Variants in CSMD2 observed in about 807,000 individuals in gnomAD.
CSMD2 encodes the protein CUB and sushi domain-containing protein 2.
CSMD2 carries 130 observed loss-of-function variants against 398.5 expected under a neutral mutation model. The observed-to-expected ratio is 0.33, with a 90% CI of 0.28 to 0.38. The LOEUF (loss-of-function observed/expected upper bound fraction) is 0.38, where lower values mean the gene tolerates loss of function less well. Among genes scored for constraint, CSMD2 ranks in the 10% least tolerant of loss-of-function variants. The pLI, the probability that CSMD2 is intolerant of heterozygous loss-of-function variation, is 1.00. For missense variants in CSMD2, 3,829 were observed against 4,764.9 expected (o/e 0.80, Z 5.78); for synonymous variants, 1,828 against 1,908.5 (o/e 0.96, Z 1.10).
At chr1:33,755,344 C>T (rs565423291) in intron 13 of CSMD2, among the ~76,000 whole-genome samples, 3 of 152,278 alleles carry the variant, frequency 2.0e-5, no homozygotes, top group South Asian at 4.2e-4. Context: ...TGAAAGTTAT[C>T]ATTTAACTAT....
At chr1:33,804,064 C>T (rs1655936827) in intron 10 of CSMD2, among the ~76,000 whole-genome samples, 1 of 152,216 alleles carries the variant, frequency 6.6e-6, no homozygotes, top group African/African-American at 2.4e-5. Flanking sequence ...TTCCATGATT[C>T]AGTTTCTTTA....
intron 7 of CSMD2, 23 bp downstream of exon 7, chr1:33,825,674 C>T (rs111622586): frequency 3.9e-5 from 61 of 1,564,204 alleles, no homozygotes; most frequent in African/African-American, 6.8e-5. Context: ...GCCCGGCAGG[C>T]GGGCTGGCGG....
intron 2 of CSMD2, among the ~76,000 whole-genome samples, chr1:34,079,819 AG>A (rs904218213): frequency 6.6e-6 from 1 of 152,178 alleles, no homozygotes; most frequent in Admixed American, 6.5e-5. Flanking sequence ...AACTTGCACT[AG>A]AAGACAGATA....
At chr1:33,993,574 C>A (rs753482032) in intron 3 of CSMD2, among the ~76,000 whole-genome samples, 1 of 152,124 alleles carries the variant, frequency 6.6e-6, no homozygotes, top group Non-Finnish European at 1.5e-5. Context: ...CTCTCTCTCT[C>A]GTCACTTCTT....
intron 5 of CSMD2, among the ~76,000 whole-genome samples, chr1:33,899,519 T>C (rs1294110136): frequency 6.6e-6 from 1 of 152,122 alleles, no homozygotes; most frequent in Non-Finnish European, 1.5e-5. Context: ...AAAGGAAAAA[T>C]CAGTGTAGAC....
intron 3 of CSMD2, among the ~76,000 whole-genome samples, chr1:33,999,539 G>A (rs979593569): frequency 3.3e-5 from 5 of 151,968 alleles, no homozygotes; most frequent in South Asian, 2.1e-4. Flanking sequence ...GGGACCGCAT[G>A]CATGCACCAC....
At position 33,578,945 on chromosome 1, in the gene CSMD2, T is replaced by C. The variant is rs547443601; in HGVS notation, c.7388-1461A>G. On this transcript the variant is annotated intron_variant, in intron 48 of 70. Transcript: ENST00000373381. ...GTGTCCTATGTGTGCTGTATCCACA[T>C]GGTTACCTCCCTCAGGAACAAGAAT... is the stretch of plus-strand genomic sequence containing the variant. Among the ~76,000 whole-genome samples, 6 of 152,352 alleles carry C rather than the reference T, an allele frequency of 3.9e-5. No homozygotes were observed. In the East Asian group the frequency reaches 1.2e-3, roughly 29 times the overall value.
intron 1 of CSMD2, among the ~76,000 whole-genome samples, chr1:34,137,881 T>G (rs967459293): frequency 1.3e-5 from 2 of 152,212 alleles, no homozygotes; most frequent in African/African-American, 4.8e-5. Flanking sequence ...GTAATTTGTC[T>G]AAAATCACAC....
At chr1:33,597,491 A>T (rs1639919720) in intron 44 of CSMD2, among the ~76,000 whole-genome samples, 1 of 152,242 alleles carries the variant, frequency 6.6e-6, no homozygotes, top group Non-Finnish European at 1.5e-5. Flanking sequence ...AGCAGGAAGC[A>T]TGAACACTCA....
chr1:33,839,468 C>G (rs1428049756), intron 6 of CSMD2: 1 of 159,144 alleles, frequency 6.3e-6, no homozygotes, highest in Non-Finnish European at 1.5e-5. Flanking sequence ...AGTTTCATGA[C>G]TTAGGAAAAG....
chr1:33,987,114 C>T (rs1646386210), intron 3 of CSMD2, among the ~76,000 whole-genome samples: 1 of 152,052 alleles, frequency 6.6e-6, no homozygotes, highest in African/African-American at 2.4e-5. Flanking sequence ...ACCTTTATCC[C>T]CCAGTAGAAG....
At chr1:33,714,877 G>A in intron 20 of CSMD2, 102 bp from the exon 21 acceptor site, 15 of 1,107,698 alleles carry the variant, frequency 1.4e-5, no homozygotes, top group South Asian at 1.2e-4. Flanking sequence ...AAGGGCCAGG[G>A]ACAACGAAAG....
intron 1 of CSMD2, among the ~76,000 whole-genome samples, chr1:34,106,265 G>A (rs954569916): frequency 6.6e-6 from 1 of 152,162 alleles, no homozygotes; most frequent in African/African-American, 2.4e-5. Context: ...ACAGAAAGGA[G>A]CACAGACAAA....
intron 12 of CSMD2, among the ~76,000 whole-genome samples, chr1:33,779,020 C>G (rs1349525373): frequency 2.6e-5 from 4 of 152,196 alleles, no homozygotes; most frequent in Non-Finnish European, 5.9e-5. Context: ...GTGCCAGTAG[C>G]AGCCTATGGT....
At chr1:34,032,294 A>C (rs969435627) in intron 3 of CSMD2, among the ~76,000 whole-genome samples, 3 of 152,158 alleles carry the variant, frequency 2.0e-5, no homozygotes, top group African/African-American at 7.2e-5. Flanking sequence ...CCCAATATAA[A>C]ACAGAATTAA....
At chr1:33,579,081 T>C (rs1638505818) in intron 48 of CSMD2, among the ~76,000 whole-genome samples, 1 of 152,212 alleles carries the variant, frequency 6.6e-6, no homozygotes, top group Non-Finnish European at 1.5e-5. Context: ...ATTAACTCAC[T>C]TTCTACGTGG....
chr1:33,929,530 C>T lies in CSMD2; in HGVS notation c.712+6230G>A, dbSNP rs373155055. Among the ~76,000 whole-genome samples the T allele has an allele frequency of 9.3e-5, 14 of 150,396 alleles. No individual in the cohort carries two copies. The South Asian group carries it at 2.8e-3, about 30-fold the overall frequency. ...TCAGCTCACTGAAACCTCCACCTCC[C>T]GGATTCAAGAGATTCTCCTGACTCA... On this transcript the variant is annotated intron_variant, in intron 4 of 70. Coordinates refer to ENST00000373381, the MANE Select transcript of CSMD2 (RefSeq NM_001281956.2).
At chr1:33,730,995 T>C (rs1646699014) in intron 15 of CSMD2, among the ~76,000 whole-genome samples, 1 of 152,152 alleles carries the variant, frequency 6.6e-6, no homozygotes, top group Admixed American at 6.5e-5. Context: ...GAGAAATAAC[T>C]GATTCTGGGT....
At chr1:33,645,088 T>C (rs1643341689) in intron 29 of CSMD2, among the ~76,000 whole-genome samples, 1 of 152,108 alleles carries the variant, frequency 6.6e-6, no homozygotes, top group Non-Finnish European at 1.5e-5. Context: ...CTAATTAGTG[T>C]TATGTGTGAG....
Sources: allele counts gnomAD v4.1 joint callset (sites outside exome capture counted in the v4.1 genomes callset), GRCh38; gene constraint gnomAD v4.1.1; transcripts MANE v1.5; gene names NCBI Gene and HGNC (gene_info 2026-07-23, HGNC 2026-07-21).